The following PAAF1 variants were observed in gnomAD, a reference collection of about 807,000 sequenced individuals.
PAAF1 encodes proteasomal ATPase associated factor 1.
A neutral mutation model predicts 52.8 loss-of-function variants in PAAF1; 46 were observed. The observed-to-expected ratio is 0.87, with a 90% confidence interval of 0.69 to 1.11. The LOEUF (loss-of-function observed/expected upper bound fraction) is 1.11, where lower values mean the gene tolerates loss of function less well. Ranked by LOEUF, PAAF1 falls within the 50% of genes most tolerant of loss-of-function variation. The pLI, the probability that PAAF1 is intolerant of heterozygous loss-of-function variation, is 0.00. For missense variants in PAAF1, 424 were observed against 477.4 expected (o/e 0.89, Z 1.04); for synonymous variants, 178 against 172.8 (o/e 1.03, Z -0.24).
chr11:73,912,452 C>G (rs1949958766), intron 7 of PAAF1, among the ~76,000 whole-genome samples: 2 of 152,164 alleles, frequency 1.3e-5, no homozygotes, highest in African/African-American at 4.8e-5. Context: ...TTCCTCATGT[C>G]CCACATCAGC....
chr11:73,904,034 AG>A (rs1310570770), intron 6 of PAAF1, among the ~76,000 whole-genome samples: 1 of 151,924 alleles, frequency 6.6e-6, no homozygotes, highest in Non-Finnish European at 1.5e-5. Context: ...CATTGAGCCA[AG>A]ATTGCACTAC....
intron 4 of PAAF1, among the ~76,000 whole-genome samples, chr11:73,893,140 T>C (rs781313034): frequency 4.7e-4 from 72 of 152,198 alleles, no homozygotes; most frequent in Non-Finnish European, 9.7e-4. Flanking sequence ...ATGAATACAT[T>C]TATAGCTAAA....
At chr11:73,914,639 C>T in intron 8 of PAAF1, 135 bp downstream of exon 8, 2 of 599,338 alleles carry the variant, frequency 3.3e-6, no homozygotes, top group Non-Finnish European at 6.0e-6. Flanking sequence ...AGAGGCAGTA[C>T]AGTGTAATGA....
At chr11:73,889,854 G>A (rs1949154584) in intron 3 of PAAF1, among the ~76,000 whole-genome samples, 1 of 152,224 alleles carries the variant, frequency 6.6e-6, no homozygotes, top group African/African-American at 2.4e-5. Context: ...TGAAAGGCCT[G>A]CAGGCAGCCA....
intron 10 of PAAF1, 57 bp downstream of exon 10, chr11:73,919,089 T>C: frequency 6.8e-7 from 1 of 1,463,840 alleles, no homozygotes; most frequent in Non-Finnish European, 9.5e-7. Flanking sequence ...TAATTAAACA[T>C]AGTTTTAAGT....
At chr11:73,898,913 A>C (rs1447358091) in intron 4 of PAAF1, among the ~76,000 whole-genome samples, 2 of 152,332 alleles carry the variant, frequency 1.3e-5, no homozygotes, top group Admixed American at 6.5e-5. Context: ...ATTAGACTTC[A>C]GATGATTAGA....
chr11:73,897,045 A>AG (rs1949403079), intron 4 of PAAF1, among the ~76,000 whole-genome samples: 1 of 112,536 alleles, frequency 8.9e-6, no homozygotes, highest in Non-Finnish European at 1.8e-5. Flanking sequence ...ACTTCCCAGT[A>AG]GGGGCGGCCG....
Position 73,890,967 on chromosome 11 carries a change from T to G in PAAF1, c.193-145T>G, listed in dbSNP as rs890526369. ...TGCTGATCTATGGGGGAGGGATAGTTTTGTGGGGTGGGAAAGGAGAACGAG... is the reference window on the plus strand; with the variant it reads ...TGCTGATCTATGGGGGAGGGATAGTGTTGTGGGGTGGGAAAGGAGAACGAG... On this transcript the variant is annotated intron_variant, in intron 3 of 11. Transcript: ENST00000310571. 5 of 580,768 alleles carry G rather than the reference T, an allele frequency of 8.6e-6. No homozygotes were observed. The African/African-American group carries it at 9.5e-5, about 11-fold the overall frequency. 36.0% of individuals were successfully genotyped at this position (580,768 alleles called of 1,614,324 possible). A position where few individuals can be genotyped will look rare whatever the true frequency, so the allele number is the denominator to read the frequency against.
Position 73,907,177 on chromosome 11 carries a change from A to G in PAAF1, c.533-2222A>G, listed in dbSNP as rs141801030. 1.5e-4 allele frequency among the ~76,000 whole-genome samples: 23 copies of G among 152,030 alleles called. No homozygotes were observed. The East Asian group carries it at 4.4e-3, about 29-fold the overall frequency. Reference sequence around the variant, plus strand: ...GCTAGGGACCATAGCAAATATTCAGATTATAGATAATAAAGGGCTTCAAAA... The same window carrying G: ...GCTAGGGACCATAGCAAATATTCAGGTTATAGATAATAAAGGGCTTCAAAA... On this transcript the variant is annotated intron_variant, in intron 6 of 11. Transcript: ENST00000310571.
In PAAF1 at chr11:73,920,678, C is replaced by T. The variant is rs181073959; in HGVS notation, c.1018+1646C>T. ...GACTACCCTGGCCAACATGGTGAAACGCTGTCTCTACTAAAAATACAGAAA... is the reference window on the plus strand; with the variant it reads ...GACTACCCTGGCCAACATGGTGAAATGCTGTCTCTACTAAAAATACAGAAA... On this transcript the variant is annotated intron_variant, in intron 10 of 11. Coordinates refer to ENST00000310571, the MANE Select transcript of PAAF1 (RefSeq NM_025155.3). Among the ~76,000 whole-genome samples the T allele has an allele frequency of 1.6e-4, 24 of 151,156 alleles. No individual in the cohort carries two copies. In the East Asian group the frequency reaches 3.5e-3, roughly 22 times the overall value.
chr11:73,920,944 A>C (rs147373771), intron 10 of PAAF1, among the ~76,000 whole-genome samples: 1 of 152,130 alleles, frequency 6.6e-6, no homozygotes, highest in Non-Finnish European at 1.5e-5. Context: ...AGGCGGATAG[A>C]TCACCTGAGG....
At chr11:73,894,781 G>T (rs137994746) in intron 4 of PAAF1, among the ~76,000 whole-genome samples, 1 of 152,114 alleles carries the variant, frequency 6.6e-6, no homozygotes. Context: ...CCGAGGTTGC[G>T]CCACTGCACT....
chr11:73,896,834 T>C (rs1268666934), intron 4 of PAAF1, among the ~76,000 whole-genome samples: 2 of 150,896 alleles, frequency 1.3e-5, no homozygotes, highest in Non-Finnish European at 3.0e-5. Flanking sequence ...GACGGGGTGG[T>C]GGCCGGGCAG....
rs1204570061 is a variant in PAAF1 at position 73,899,140 on chromosome 11, G to T, written c.283-6G>T. ...CTAACACATTGTTTGTTTTCTCTTT[G>T]AACAGATAACATGCCTGGACATTTC... On this transcript the variant is annotated splice_region_variant and splice_polypyrimidine_tract_variant and intron_variant, in intron 4 of 11. Transcript: ENST00000310571. 6.2e-7 allele frequency: 1 copy of T among 1,605,970 alleles called. No individual in the cohort carries two copies. The highest frequency in any genetic ancestry group is 8.5e-7 in the Non-Finnish European group (1 of 1,172,842).
At chr11:73,918,880 A>G (rs1950139332) in intron 9 of PAAF1, 70 bp from the exon 10 acceptor site, 2 of 1,118,710 alleles carry the variant, frequency 1.8e-6, no homozygotes, top group East Asian at 2.3e-5. Context: ...GGTTAGTACT[A>G]TATGTTGAAT....
At chr11:73,914,978 T>A (rs1364832742) in intron 8 of PAAF1, among the ~76,000 whole-genome samples, 1 of 151,970 alleles carries the variant, frequency 6.6e-6, no homozygotes, top group Non-Finnish European at 1.5e-5. Flanking sequence ...GTACTGGGAG[T>A]ACAGATGTGA....
intron 4 of PAAF1, among the ~76,000 whole-genome samples, chr11:73,892,589 TG>T (rs1413665390): frequency 6.6e-6 from 1 of 152,214 alleles, no homozygotes; most frequent in Non-Finnish European, 1.5e-5. Flanking sequence ...CTTAATACTC[TG>T]TCTTTTCCTT....
At chr11:73,912,964 C>T (rs770731678) in intron 7 of PAAF1, among the ~76,000 whole-genome samples, 2 of 152,154 alleles carry the variant, frequency 1.3e-5, no homozygotes, top group Admixed American at 1.3e-4. Flanking sequence ...GCAACCTCCA[C>T]CTCCTAGGTT....
chr11:73,880,525 A>T (rs1054233379), intron 2 of PAAF1: 1 of 150,426 alleles, frequency 6.6e-6, no homozygotes, highest in Non-Finnish European at 1.5e-5. Context: ...CTACTAAAAA[A>T]AAATACAAAA....
Sources: allele counts gnomAD v4.1 joint callset (sites outside exome capture counted in the v4.1 genomes callset), GRCh38; gene constraint gnomAD v4.1.1; transcripts MANE v1.5; gene names NCBI Gene and HGNC (gene_info 2026-07-23, HGNC 2026-07-21).